The following UHRF1 variants were observed in gnomAD, a reference collection of about 807,000 sequenced individuals.
The protein encoded by UHRF1 is E3 ubiquitin-protein ligase UHRF1.
A neutral mutation model predicts 96.5 loss-of-function variants in UHRF1; 9 were observed. The observed-to-expected ratio is 0.09, with a 90% CI of 0.06 to 0.16. The LOEUF is 0.16. UHRF1 is among the 10% of genes least tolerant of loss of function. The probability of loss-of-function intolerance (pLI) is 1.00; values close to 1 mark genes in which losing one functional copy is unlikely to be tolerated. For missense variants in UHRF1, 626 were observed against 1,131.1 expected (o/e 0.55, Z 6.40); for synonymous variants, 455 against 469.9 (o/e 0.97, Z 0.41).
chr19:4,939,069 G>A (rs1321997871), intron 5 of UHRF1, among the ~76,000 whole-genome samples: 2 of 147,034 alleles, frequency 1.4e-5, no homozygotes, highest in Admixed American at 6.9e-5. Context: ...GTGCTCCACT[G>A]CACCTGGCTC....
rs374199726 is a variant in UHRF1 at position 4,950,659 on chromosome 19, C to T, written c.1566C>T (p.Ala522=). 6.9e-4 allele frequency: 1,118 copies of T among 1,612,062 alleles called. No individual in the cohort carries two copies. Among genetic ancestry groups the T allele is most frequent in the Non-Finnish European group, 9.1e-4 (1,076 of 1,179,404 alleles). Residue 522 remains alanine (A), a synonymous_variant, in exon 12 of 17, where the codon GCC becomes GCT. Coordinates refer to ENST00000650932, the MANE Select transcript of UHRF1 (RefSeq NM_001048201.3). ...CFAPINDQEG[A]EAKDWRSGKP... ...CTCCCATCAATGACCAAGAAGGGGC[C>T]GAGGCCAAGGACTGGCGGTCGGGGA...
At chr19:4,914,259 C>T (rs374308938) in intron 2 of UHRF1, among the ~76,000 whole-genome samples, 14 of 152,052 alleles carry the variant, frequency 9.2e-5, no homozygotes, top group African/African-American at 2.9e-4. Flanking sequence ...GGCGGGAAGG[C>T]GGGACAGAGG....
intron 5 of UHRF1, among the ~76,000 whole-genome samples, chr19:4,940,359 A>ATTTTTTTTTTTTTTTTT (rs543779456): frequency 3.0e-5 from 2 of 67,056 alleles, no homozygotes; most frequent in African/African-American, 5.6e-5. Flanking sequence ...TGCCTTTATG[A>ATTTTTTTTTTTTTTTTT]TTTTTTTTTT....
rs1177349445 is a variant in UHRF1 at position 4,933,958 on chromosome 19, TGTGTGTGTGTGTGC to T, written c.785+1016_785+1029del. Among the ~76,000 whole-genome samples, 25 of 28,782 alleles carry T rather than the reference TGTGTGTGTGTGTGC, an allele frequency of 8.7e-4. 2 individuals carry two copies. The highest frequency in any genetic ancestry group is 3.3e-3 in the African/African-American group (15 of 4,520). The allele number at this position is 28,782 out of a possible 152,430, so 18.9% of individuals were successfully genotyped here. A position where few individuals can be genotyped will look rare whatever the true frequency, so the allele number is the denominator to read the frequency against. ...GCCTGTTCTTTCTCCCTTGCCTCTT[TGTGTGTGTGTGTGC>T]GTGTGTGTGTGTGTGTGTGTGTGTG... On this transcript the variant is annotated intron_variant, in intron 5 of 16. Coordinates refer to ENST00000650932, the MANE Select transcript of UHRF1 (RefSeq NM_001048201.3).
chr19:4,906,414 A>G (rs1481810108), upstream of UHRF1, among the ~76,000 whole-genome samples: 1 of 152,164 alleles, frequency 6.6e-6, no homozygotes, highest in African/African-American at 2.4e-5. Flanking sequence ...CTTAACTTCC[A>G]TTATCCAAGG....
chr19:4,956,081 C>T (rs1458649250), intron 15 of UHRF1, among the ~76,000 whole-genome samples: 2 of 151,972 alleles, frequency 1.3e-5, no homozygotes, highest in Admixed American at 6.6e-5. Flanking sequence ...ATTACAGGCA[C>T]CCACCACGCC....
intron 2 of UHRF1, among the ~76,000 whole-genome samples, chr19:4,927,641 C>T (rs569155251): frequency 6.6e-6 from 1 of 152,320 alleles, no homozygotes; most frequent in African/African-American, 2.4e-5. Flanking sequence ...TAAGGATGCT[C>T]CTGAACCAGG....
intron 5 of UHRF1, 102 bp downstream of exon 5, chr19:4,933,058 A>T: frequency 1.5e-6 from 2 of 1,310,796 alleles, no homozygotes; most frequent in Non-Finnish European, 2.1e-6. Flanking sequence ...TGTGTGTGCG[A>T]GGCCCTTAGC....
chr19:4,911,318 A>G (rs573177390), intron 2 of UHRF1, among the ~76,000 whole-genome samples: 1 of 152,240 alleles, frequency 6.6e-6, no homozygotes, highest in South Asian at 2.1e-4. Flanking sequence ...GCCTCAAAAT[A>G]ATGGCTAGAG....
chr19:4,933,815 A>G (rs1262262591), intron 5 of UHRF1, among the ~76,000 whole-genome samples: 2 of 151,958 alleles, frequency 1.3e-5, no homozygotes, highest in African/African-American at 4.8e-5. Context: ...TTTTTATCTT[A>G]TTACCTGTGG....
chr19:4,946,517 C>A (rs529861883), intron 10 of UHRF1, among the ~76,000 whole-genome samples: 2 of 152,014 alleles, frequency 1.3e-5, no homozygotes, highest in Admixed American at 6.6e-5. Flanking sequence ...GTTTTCCATT[C>A]TTTTGGGTGT....
chr19:4,944,311 G>A (rs755965261), intron 8 of UHRF1, 32 bp from the exon 9 acceptor site: 30 of 1,613,852 alleles, frequency 1.9e-5, no homozygotes, highest in Non-Finnish European at 2.5e-5. Context: ...CAGGGCTCAC[G>A]CTGTTGTTCT....
At chr19:4,906,764 G>T (rs2032071953), upstream of UHRF1, among the ~76,000 whole-genome samples, 1 of 151,796 alleles carries the variant, frequency 6.6e-6, no homozygotes, top group Non-Finnish European at 1.5e-5. Context: ...AAAAGAAAAA[G>T]AAAAAAAGAA....
intron 2 of UHRF1, among the ~76,000 whole-genome samples, chr19:4,924,160 A>AT (rs1241909412): frequency 1.3e-5 from 2 of 151,154 alleles, no homozygotes; most frequent in African/African-American, 4.9e-5. Context: ...TAATTTTTTT[A>AT]TTTTTTTGAG....
chr19:4,941,922 A>T lies in UHRF1; in HGVS notation c.1064A>T (p.Glu355Val). The change falls in exon 7 of 17, where the codon GAG becomes GTG. Residue 355 changes from glutamate to valine, a missense_variant. Glu to Val is a moderately radical substitution (Grantham distance 121). Around this residue, in one of 11 missense-constraint regions of UHRF1, gnomAD observed 69 missense variants for 159.8 expected, o/e 0.43. Coordinates refer to ENST00000650932, the MANE Select transcript of UHRF1 (RefSeq NM_001048201.3). ...LDPPLSSVPS[E>V]DEWYCPECRN... ...CCGCCCCTCAGCAGTGTTCCCAGCGAGGACGAGTGGTGAGTGCGGCCCTGC... is the reference window on the plus strand; with the variant it reads ...CCGCCCCTCAGCAGTGTTCCCAGCGTGGACGAGTGGTGAGTGCGGCCCTGC... 4 of 1,515,644 alleles carry T rather than the reference A, an allele frequency of 2.6e-6. No homozygotes were observed. The highest frequency in any genetic ancestry group is 3.5e-6 in the Non-Finnish European group (4 of 1,131,356). 93.9% of individuals were successfully genotyped at this position (1,515,644 alleles called of 1,614,324 possible).
At chr19:4,958,518 G>A (rs1311762249) in intron 16 of UHRF1, among the ~76,000 whole-genome samples, 6 of 152,230 alleles carry the variant, frequency 3.9e-5, no homozygotes, top group East Asian at 1.9e-4. Context: ...CCTGTGCATC[G>A]GTGTGAAGGC....
Position 4,954,737 on chromosome 19 carries a change from G to C in UHRF1, c.2045G>C (p.Ser682Thr). 1.2e-6 allele frequency: 2 copies of C among 1,613,886 alleles called. No homozygotes were observed. The highest frequency in any genetic ancestry group is 1.7e-6 in the Non-Finnish European group (2 of 1,179,844). The change falls in exon 15 of 17, where the codon AGC becomes ACC. Residue 682 changes from serine to threonine, a missense_variant. By Grantham distance (58) the Ser-to-Thr change is moderately conservative (BLOSUM62 1). Transcript: ENST00000650932. This position sits in a 1 kb window ranked among gnomAD's most constrained non-coding sequence, Gnocchi z 5.9. ...TACAGTCTCACGGCCCAGCAGAGCA[G>C]CCTCATCAGAGAGGACAAGAGCAAC... ...EPYSLTAQQS[S>T]LIREDKSNAK...
At position 4,930,811 on chromosome 19, in the gene UHRF1, G is replaced by A; in HGVS notation, c.504G>A (p.Glu168=). Reference sequence around the variant, plus strand: ...CGCGGAAGGCCCCCTCCCGGGACGAGCCCTGCAGCTCCACGTCCAGGCCGG... The same window carrying A: ...CGCGGAAGGCCCCCTCCCGGGACGAACCCTGCAGCTCCACGTCCAGGCCGG... The part of the protein sequence containing the change: ...RVTRKAPSRD[E]PCSSTSRPAL... Residue 168 remains glutamate, a synonymous_variant, in exon 4 of 17, where the codon GAG becomes GAA. Coordinates refer to ENST00000650932, the MANE Select transcript of UHRF1 (RefSeq NM_001048201.3). The surrounding 1 kb of genome is among the most constrained non-coding windows in gnomAD (Gnocchi z 4.4). 4 of 1,613,986 alleles carry A rather than the reference G, an allele frequency of 2.5e-6. No individual in the cohort carries two copies. The South Asian group carries it at 3.3e-5, about 13-fold the overall frequency.
intron 5 of UHRF1, among the ~76,000 whole-genome samples, chr19:4,936,062 T>G (rs1287787666): frequency 6.6e-6 from 1 of 152,154 alleles, no homozygotes; most frequent in Non-Finnish European, 1.5e-5. Context: ...GTTTGGGTTC[T>G]TCGATTCATT....
Sources: gnomAD v4.1 joint callset for allele counts (sites outside exome capture counted in the v4.1 genomes callset) on GRCh38, gnomAD v4.1.1 for gene constraint, gnomAD v4.1.1 regional missense constraint, Gnocchi (gnomAD v3.1) non-coding constraint, MANE v1.5 for transcripts, NCBI Gene and HGNC (gene_info 2026-07-23, HGNC 2026-07-21) for gene names.